Variants in ANO3 observed in about 807,000 individuals in gnomAD.
ANO3 encodes the protein anoctamin 3.
Under a neutral mutation model 144.8 loss-of-function variants are expected in ANO3, and 99 were observed. The ratio of observed to expected loss-of-function variants is 0.68; its 90% CI spans 0.58 to 0.81. The LOEUF (loss-of-function observed/expected upper bound fraction) is 0.81, where lower values mean the gene tolerates loss of function less well. Among genes scored for constraint, ANO3 ranks in the 30% least tolerant of loss-of-function variants. The probability of loss-of-function intolerance (pLI) is 0.00; values close to 1 mark genes in which losing one functional copy is unlikely to be tolerated. For synonymous variants in ANO3, 414 were observed against 392.6 expected, an observed-to-expected ratio of 1.05 and a Z score of -0.64; for missense variants, 905 against 1,202.2, an observed-to-expected ratio of 0.75 and a Z score of 3.66.
At chr11:26,206,849 G>A (rs1190982117) in intron 1 of ANO3, among the ~76,000 whole-genome samples, 3 of 152,158 alleles carry the variant, frequency 2.0e-5, no homozygotes, top group Non-Finnish European at 4.4e-5. Flanking sequence ...CGCCGTTTCA[G>A]TTTATTATAG....
chr11:26,248,020 C>T (rs942750585), intron 1 of ANO3, among the ~76,000 whole-genome samples: 1 of 151,954 alleles, frequency 6.6e-6, no homozygotes, highest in East Asian at 2.0e-4. Context: ...CGTGAGCCAA[C>T]ATACCTGGAC....
chr11:26,329,484 C>T (rs1455227766), upstream of ANO3, among the ~76,000 whole-genome samples: 1 of 152,100 alleles, frequency 6.6e-6, no homozygotes, highest in Non-Finnish European at 1.5e-5. Flanking sequence ...TCTTTGAATC[C>T]CCTGCTAGTC....
Position 26,443,852 on chromosome 11 carries a change from G to C in ANO3, c.313+16G>C. ...TTTTGTTTGGGTAAGTTGATAATCA[G>C]TATTTACCTACTCCTTTCCCTCTCT... is the stretch of plus-strand genomic sequence containing the variant. On this transcript the variant is annotated intron_variant, in intron 3 of 26. Transcript: ENST00000256737. 8.9e-6 allele frequency: 14 copies of C among 1,565,098 alleles called. No homozygotes were observed. Among genetic ancestry groups the C allele is most frequent in the Non-Finnish European group, 1.2e-5 (14 of 1,138,538 alleles).
intron 9 of ANO3, among the ~76,000 whole-genome samples, chr11:26,536,010 G>A (rs948662986): frequency 2.0e-5 from 3 of 151,188 alleles, no homozygotes; most frequent in African/African-American, 7.3e-5. Context: ...AATAAATTTA[G>A]TAAGTAATTT....
In ANO3 at chr11:26,531,368, C is replaced by T. The variant is rs752799149; in HGVS notation, c.869+32C>T. ...TCCCCTCTTTTTTCATACTGCCTACCTTTATATCTTGGTGGGGCTTGTTTA... is the reference window on the plus strand; with the variant it reads ...TCCCCTCTTTTTTCATACTGCCTACTTTTATATCTTGGTGGGGCTTGTTTA... On this transcript the variant is annotated intron_variant, in intron 8 of 26. Transcript: ENST00000256737. The T allele has an allele frequency of 5.1e-6, 8 of 1,579,770 alleles. No homozygotes were observed. In the South Asian group the frequency reaches 9.4e-5, roughly 18 times the overall value.
At chr11:26,333,846 T>G (rs1855126186) in intron 1 of ANO3, among the ~76,000 whole-genome samples, 1 of 152,206 alleles carries the variant, frequency 6.6e-6, no homozygotes, top group Non-Finnish European at 1.5e-5. Context: ...GTTAAACTGC[T>G]TCAAGAAGTT....
intron 1 of ANO3, among the ~76,000 whole-genome samples, chr11:26,390,682 T>C (rs185908930): frequency 3.3e-5 from 5 of 152,212 alleles, no homozygotes; most frequent in Admixed American, 2.0e-4. Context: ...AGGAAATAAA[T>C]GTATATTTAT....
chr11:26,590,498 G>A (rs1851412964), intron 14 of ANO3, among the ~76,000 whole-genome samples: 1 of 152,116 alleles, frequency 6.6e-6, no homozygotes. Context: ...GATGGGGTGG[G>A]CTGCTCCCAA....
rs1554960847 is a variant in ANO3 at position 26,486,377 on chromosome 11, A to AAG, written c.433-21726_433-21725insGA. ...CTCTGTCTCAAAAAAAAAAAAAAAA[A>AAG]AAGGAAGTCAAAATACCTAAAAATA... On this transcript the variant is annotated intron_variant, in intron 4 of 26. Transcript: ENST00000256737. Among the ~76,000 whole-genome samples the AAG allele has an allele frequency of 2.1e-3, 309 of 149,730 alleles. 4 individuals are homozygous for AAG. Among genetic ancestry groups the AAG allele is most frequent in the African/African-American group, 7.0e-3 (278 of 39,958 alleles).
At chr11:26,403,014 C>T (rs1174340864) in intron 1 of ANO3, among the ~76,000 whole-genome samples, 3 of 151,826 alleles carry the variant, frequency 2.0e-5, no homozygotes, top group South Asian at 2.1e-4. Flanking sequence ...TCTCACATTT[C>T]GTCTCTTACA....
rs751745083 is a variant in ANO3 at position 26,463,205 on chromosome 11, A to T, written c.432+57A>T. Reference sequence around the variant, plus strand: ...TTTAGAGCATCATTTTTAAAACCTTACAATATTCATCTACATATTTGGTTT... The same window carrying T: ...TTTAGAGCATCATTTTTAAAACCTTTCAATATTCATCTACATATTTGGTTT... On this transcript the variant is annotated intron_variant, in intron 4 of 26. Coordinates refer to ENST00000256737, the MANE Select transcript of ANO3 (RefSeq NM_031418.4). The T allele has an allele frequency of 2.2e-4, 198 of 886,508 alleles. 1 individual carries two copies. The highest frequency in any genetic ancestry group is 3.2e-4 in the Non-Finnish European group (183 of 566,650). The allele number at this position is 886,508 out of a possible 1,614,324, so 54.9% of individuals were successfully genotyped here.
At chr11:26,242,312 G>A (rs994235063) in intron 1 of ANO3, among the ~76,000 whole-genome samples, 4 of 151,958 alleles carry the variant, frequency 2.6e-5, no homozygotes, top group Admixed American at 2.0e-4. Context: ...TACTTCTATT[G>A]TTTCATTTAT....
In ANO3 at chr11:26,497,018, A is replaced by G. The variant is rs944872772; in HGVS notation, c.433-11086A>G. Among the ~76,000 whole-genome samples the G allele has an allele frequency of 6.2e-5, 3 of 48,602 alleles. No individual in the cohort carries two copies. The East Asian group carries it at 1.6e-3, about 26-fold the overall frequency. The allele number at this position is 48,602 out of a possible 152,430, so 31.9% of individuals were successfully genotyped here. A position where few individuals can be genotyped will look rare whatever the true frequency, so the allele number is the denominator to read the frequency against. On this transcript the variant is annotated intron_variant, in intron 4 of 26. Coordinates refer to ENST00000256737, the MANE Select transcript of ANO3 (RefSeq NM_031418.4). Reference sequence around the variant, plus strand: ...TATACACACACAGACACACACACATATATACAGACACACACACACACACAC... The same window carrying G: ...TATACACACACAGACACACACACATGTATACAGACACACACACACACACAC...
chr11:26,297,184 CGTGTGTGTGT>C (rs377447870), intron 1 of ANO3, among the ~76,000 whole-genome samples: 2 of 146,338 alleles, frequency 1.4e-5, no homozygotes, highest in African/African-American at 2.5e-5. Flanking sequence ...TCAACCATTG[CGTGTGTGTGT>C]GTGTGTGTGT....
At chr11:26,287,380 C>T (rs1853832820) in intron 1 of ANO3, 1 of 152,172 alleles carries the variant, frequency 6.6e-6, no homozygotes. Context: ...GATTCATTTA[C>T]TATTTACAAC....
chr11:26,232,155 G>A (rs1164096292), intron 1 of ANO3, among the ~76,000 whole-genome samples: 5 of 152,182 alleles, frequency 3.3e-5, no homozygotes, highest in Non-Finnish European at 5.9e-5. Flanking sequence ...GTTGGACCTC[G>A]TTGTATTTAG....
chr11:26,220,482 C>T (rs1049407399), intron 1 of ANO3, among the ~76,000 whole-genome samples: 4 of 152,086 alleles, frequency 2.6e-5, no homozygotes, highest in African/African-American at 9.7e-5. Context: ...GATGTTTATC[C>T]AGGTGCAGCT....
chr11:26,600,240 TTTCCTC>T, intron 17 of ANO3, among the ~76,000 whole-genome samples: 1 of 112,582 alleles, frequency 8.9e-6, no homozygotes, highest in African/African-American at 3.1e-5. Flanking sequence ...TCTCGTCTCC[TTTCCTC>T]TCCTCTCCTC....
rs368080170 is a variant in ANO3, at chr11:26,317,512, C to T, written c.-3+7793C>T. Among the ~76,000 whole-genome samples, 23 of 152,228 alleles carry T rather than the reference C, an allele frequency of 1.5e-4. 1 individual carries two copies. The South Asian group carries it at 4.6e-3, about 30-fold the overall frequency. Reference sequence around the variant, plus strand: ...GCGGCCAACAAACATGAAAAAAGCTCATCATCACTGGTCATTACAGAAACG... The same window carrying T: ...GCGGCCAACAAACATGAAAAAAGCTTATCATCACTGGTCATTACAGAAACG... On this transcript the variant is annotated intron_variant, in intron 1 of 26. Coordinates refer to the ANO3 transcript ENST00000525139.
Sources: allele counts gnomAD v4.1 joint callset (sites outside exome capture counted in the v4.1 genomes callset), GRCh38; gene constraint gnomAD v4.1.1; transcripts MANE v1.5; gene names NCBI Gene and HGNC (gene_info 2026-07-23, HGNC 2026-07-21).